RNF38: variants seen among roughly 807,000 people sequenced by gnomAD.
The protein encoded by RNF38 is E3 ubiquitin-protein ligase RNF38.
A neutral mutation model predicts 67.2 loss-of-function variants in RNF38; 15 were observed. The ratio of observed to expected loss-of-function variants is 0.22; its 90% CI spans 0.15 to 0.34. The LOEUF is 0.34. RNF38 is among the 10% of genes least tolerant of loss of function. The pLI, the probability that RNF38 is intolerant of heterozygous loss-of-function variation, is 1.00. For synonymous variants in RNF38, 220 were observed against 218.8 expected, an observed-to-expected ratio of 1.01 and a Z score of -0.05; for missense variants, 524 against 639.9, an observed-to-expected ratio of 0.82 and a Z score of 1.95.
At chr9:36,481,016 CTT>C (rs1160092271) in intron 1 of RNF38, among the ~76,000 whole-genome samples, 35 of 136,110 alleles carry the variant, frequency 2.6e-4, no homozygotes, top group Admixed American at 2.9e-4. Context: ...TCTTCTCTTT[CTT>C]TTTTTTTTTT....
intron 1 of RNF38, among the ~76,000 whole-genome samples, chr9:36,472,806 G>C (rs1840025907): frequency 6.6e-6 from 1 of 152,162 alleles, no homozygotes; most frequent in Admixed American, 6.5e-5. Flanking sequence ...AAATATGCCT[G>C]ATTTATAGAG....
chr9:36,357,705 A>C (rs1834232882), intron 5 of RNF38, 70 bp downstream of exon 5: 2 of 1,280,838 alleles, frequency 1.6e-6, no homozygotes, highest in Non-Finnish European at 2.2e-6. Context: ...AGAGTCGGGA[A>C]GTTACAAAAC....
chr9:36,413,482 C>G (rs925908903), intron 2 of RNF38, among the ~76,000 whole-genome samples: 1 of 152,130 alleles, frequency 6.6e-6, no homozygotes, highest in Non-Finnish European at 1.5e-5. Flanking sequence ...AGAAGCCAGA[C>G]ACAAAAGGCT....
chr9:36,393,653 C>G (rs567167772), intron 1 of RNF38, among the ~76,000 whole-genome samples: 1 of 151,912 alleles, frequency 6.6e-6, no homozygotes, highest in Non-Finnish European at 1.5e-5. Context: ...TAGGTTAAAT[C>G]ATATGACAAA....
chr9:36,405,541 GC>G (rs1486410203), upstream of RNF38, among the ~76,000 whole-genome samples: 1 of 152,210 alleles, frequency 6.6e-6, no homozygotes, highest in Non-Finnish European at 1.5e-5. Context: ...ACTTATGCTA[GC>G]TTCAGAAAAT....
chr9:36,353,230 T>A lies in RNF38; in HGVS notation c.1011A>T (p.Pro337=). Residue 337 remains proline, a synonymous_variant, in exon 7 of 12, where the codon CCA becomes CCT. Transcript: ENST00000259605. ...PPSAHPPTLP[P]SAPLQFLTHD... is the part of the protein sequence containing the mutation. ...GTGTTAAGAACTGCAAGGGAGCTGA[T>A]GGAGGTAATGTTGGGGGGTGGGCTG... 1.9e-6 allele frequency: 3 copies of A among 1,613,084 alleles called. No individual in the cohort carries two copies. The highest frequency in any genetic ancestry group is 2.5e-6 in the Non-Finnish European group (3 of 1,179,140).
At chr9:36,431,374 C>T (rs1838931582) in intron 1 of RNF38, among the ~76,000 whole-genome samples, 1 of 152,168 alleles carries the variant, frequency 6.6e-6, no homozygotes, top group Non-Finnish European at 1.5e-5. Flanking sequence ...GCAACTGTAA[C>T]ACAATGGTAT....
At chr9:36,406,293 G>T (rs987481031) in intron 2 of RNF38, among the ~76,000 whole-genome samples, 6 of 152,218 alleles carry the variant, frequency 3.9e-5, no homozygotes, top group Non-Finnish European at 7.3e-5. Flanking sequence ...TCACATGGAA[G>T]GAAATGTCAA....
At chr9:36,366,347 T>C (rs975037675) in intron 4 of RNF38, among the ~76,000 whole-genome samples, 2 of 152,232 alleles carry the variant, frequency 1.3e-5, no homozygotes, top group Admixed American at 1.3e-4. Context: ...ATTAGACTTT[T>C]TTCCCTTTCC....
At chr9:36,382,926 C>T (rs1587565978) in intron 2 of RNF38, among the ~76,000 whole-genome samples, 1 of 152,084 alleles carries the variant, frequency 6.6e-6, no homozygotes, top group Admixed American at 6.5e-5. Flanking sequence ...ATGCAAAGGG[C>T]CCAGGAAGAG....
chr9:36,472,621 T>G (rs944636375), intron 1 of RNF38, among the ~76,000 whole-genome samples: 1 of 152,140 alleles, frequency 6.6e-6, no homozygotes, highest in Non-Finnish European at 1.5e-5. Flanking sequence ...TTCTAAATGG[T>G]ACGTTCCCAG....
In RNF38 at chr9:36,337,835, C is replaced by T. The variant is rs1485216971; in HGVS notation, c.*1917G>A. ...CCACTATTTAGAAGTATTTCTGATGCACTGACAACCCTAGGGGCAAACACA... is the reference window on the plus strand; with the variant it reads ...CCACTATTTAGAAGTATTTCTGATGTACTGACAACCCTAGGGGCAAACACA... On this transcript the variant is annotated 3_prime_UTR_variant, in exon 12 of 12. Coordinates refer to ENST00000259605, the MANE Select transcript of RNF38 (RefSeq NM_022781.5). 1 of 152,570 alleles carries T rather than the reference C, an allele frequency of 6.6e-6. No individual in the cohort carries two copies. The highest frequency in any genetic ancestry group is 1.9e-4 in the East Asian group (1 of 5,196). 9.5% of individuals were successfully genotyped at this position (152,570 alleles called of 1,614,324 possible).
At chr9:36,371,558 T>C (rs919601997) in intron 3 of RNF38, among the ~76,000 whole-genome samples, 1 of 151,324 alleles carries the variant, frequency 6.6e-6, no homozygotes, top group Non-Finnish European at 1.5e-5. Flanking sequence ...ACGATTCTCC[T>C]GCCTCAACCT....
chr9:36,401,211 G>GGCGGT (rs1838013202), upstream of RNF38: 1 of 982,368 alleles, frequency 1.0e-6, no homozygotes, highest in African/African-American at 1.8e-5. Context: ...GGCGGGGCGG[G>GGCGGT]GCGGGGCGGG....
At chr9:36,347,966 C>T (rs1038644210) in intron 9 of RNF38, among the ~76,000 whole-genome samples, 3 of 152,100 alleles carry the variant, frequency 2.0e-5, no homozygotes, top group Non-Finnish European at 4.4e-5. Flanking sequence ...GTCCTACCTA[C>T]TCGGGAGGCT....
At chr9:36,360,296 G>A (rs1427096414) in intron 4 of RNF38, among the ~76,000 whole-genome samples, 1 of 152,116 alleles carries the variant, frequency 6.6e-6, no homozygotes, top group Non-Finnish European at 1.5e-5. Context: ...GTTAGTGTTA[G>A]TACGAAGATA....
At chr9:36,340,281 CATGA>C (rs1832745009) in intron 11 of RNF38, among the ~76,000 whole-genome samples, 2 of 152,134 alleles carry the variant, frequency 1.3e-5, no homozygotes, top group Non-Finnish European at 2.9e-5. Context: ...GCCTGGCCGC[CATGA>C]ATGATTTTTA....
chr9:36,384,782 A>C (rs1361027150), intron 2 of RNF38, among the ~76,000 whole-genome samples: 1 of 152,368 alleles, frequency 6.6e-6, no homozygotes, highest in Middle Eastern at 3.4e-3. Context: ...GATGTTAGAC[A>C]AAAAGCAAAT....
At chr9:36,420,934 CAG>C (rs35019549) in intron 2 of RNF38, among the ~76,000 whole-genome samples, 53,470 of 151,744 alleles carry the variant, frequency 0.35, 9,508 homozygotes, top group Non-Finnish European at 0.39. Flanking sequence ...AAACTATAAA[CAG>C]ATACATATCA....
Sources: gnomAD v4.1 joint callset for allele counts (sites outside exome capture counted in the v4.1 genomes callset) on GRCh38, gnomAD v4.1.1 for gene constraint, MANE v1.5 for transcripts, NCBI Gene and HGNC (gene_info 2026-07-23, HGNC 2026-07-21) for gene names.